The following DAB1 variants were observed in gnomAD, a reference collection of about 807,000 sequenced individuals.
The protein encoded by DAB1 is disabled homolog 1.
Under a neutral mutation model 64.6 loss-of-function variants are expected in DAB1, and 15 were observed. The ratio of observed to expected loss-of-function variants is 0.23; its 90% CI spans 0.16 to 0.36. The LOEUF (loss-of-function observed/expected upper bound fraction) is 0.36. DAB1 is among the 10% of genes least tolerant of loss of function. The pLI is 1.00. For missense variants in DAB1, 596 were observed against 706.7 expected (o/e 0.84, Z 1.78); for synonymous variants, 235 against 251.9 (o/e 0.93, Z 0.64).
At chr1:57,841,861 T>C (rs774111271) in intron 1 of DAB1, among the ~76,000 whole-genome samples, 14 of 152,232 alleles carry the variant, frequency 9.2e-5, no homozygotes, top group Non-Finnish European at 1.8e-4. Flanking sequence ...CCTCATTGTC[T>C]TGGCAATTAA....
chr1:58,389,308 C>T lies in DAB1; in HGVS notation n.258-45905G>A, dbSNP rs991171119. Among the ~76,000 whole-genome samples the T allele has an allele frequency of 3.9e-5, 6 of 152,156 alleles. 1 individual carries two copies. The highest frequency in any genetic ancestry group is 2.6e-4 in the Admixed American group (4 of 15,272). ...TCTTAATTTTCAGGGCATGGTGGTG[C>T]ATGCCTATAGCCCCAACTACTCAGG... On this transcript the variant is annotated intron_variant and non_coding_transcript_variant, in intron 3 of 20. Transcript: ENST00000485760.
chr1:58,132,575 C>T lies in DAB1; in HGVS notation n.387+17936G>A, dbSNP rs569229999. Among the ~76,000 whole-genome samples the T allele has an allele frequency of 4.6e-5, 7 of 152,226 alleles. No individual in the cohort carries two copies. In the South Asian group the frequency reaches 6.2e-4, roughly 14 times the overall value. On this transcript the variant is annotated intron_variant and non_coding_transcript_variant, in intron 5 of 20. Coordinates refer to the DAB1 transcript ENST00000485760. ...TCTCTGAGGATCCGCCTGCAGTCTG[C>T]GTGAGATGAAACATCTCGATCTATC...
At chr1:57,357,752 G>A (rs967861948) in intron 1 of DAB1, among the ~76,000 whole-genome samples, 1 of 151,712 alleles carries the variant, frequency 6.6e-6, no homozygotes, top group African/African-American at 2.4e-5. Context: ...CTCACGTGGC[G>A]GCAGGAGAGA....
chr1:58,022,025 T>C (rs1049258450), intron 5 of DAB1, among the ~76,000 whole-genome samples: 9 of 152,198 alleles, frequency 5.9e-5, no homozygotes, highest in African/African-American at 2.2e-4. Flanking sequence ...AGGCCTCATC[T>C]TGATAGAGAA....
At position 58,384,409 on chromosome 1, in the gene DAB1, G is replaced by A. The variant is rs573369594; in HGVS notation, n.258-41006C>T. On this transcript the variant is annotated intron_variant and non_coding_transcript_variant, in intron 3 of 20. Transcript: ENST00000485760. ...GTTGTTTAATGGGTATGAAGTTACA[G>A]TTACCTAAAATAAGGAAGTACCAGG... 3.3e-4 allele frequency among the ~76,000 whole-genome samples: 51 copies of A among 152,272 alleles called. 1 individual carries two copies. The South Asian group carries it at 0.011, about 32-fold the overall frequency.
chr1:57,430,729 C>A (rs547389894), intron 7 of DAB1, among the ~76,000 whole-genome samples: 220 of 152,172 alleles, frequency 1.4e-3, no homozygotes, highest in African/African-American at 4.9e-3. Flanking sequence ...TCAAAGTATA[C>A]GAACACAGAA....
At chr1:58,027,862 A>G (rs1646916729) in intron 5 of DAB1, among the ~76,000 whole-genome samples, 1 of 152,222 alleles carries the variant, frequency 6.6e-6, no homozygotes, top group Non-Finnish European at 1.5e-5. Context: ...CCTAGAAATA[A>G]GGAGCAAATG....
At chr1:57,624,254 A>G (rs1405331080) in intron 7 of DAB1, among the ~76,000 whole-genome samples, 2 of 152,200 alleles carry the variant, frequency 1.3e-5, no homozygotes, top group Non-Finnish European at 2.9e-5. Context: ...GTAAATCCTT[A>G]TCATATCAGG....
At chr1:57,021,115 T>C (rs1570518199) in intron 11 of DAB1, among the ~76,000 whole-genome samples, 1 of 152,350 alleles carries the variant, frequency 6.6e-6, no homozygotes, top group East Asian at 1.9e-4. Context: ...TCATATTAAC[T>C]AGAGTCAGAA....
intron 6 of DAB1, among the ~76,000 whole-genome samples, chr1:57,706,286 C>T (rs924003240): frequency 6.6e-6 from 1 of 151,592 alleles, no homozygotes; most frequent in Non-Finnish European, 1.5e-5. Context: ...CTTTTCCTCC[C>T]TCCATCCTTT....
intron 7 of DAB1, among the ~76,000 whole-genome samples, chr1:57,619,629 TG>T (rs1246711066): frequency 2.6e-5 from 4 of 152,132 alleles, no homozygotes; most frequent in African/African-American, 9.7e-5. Flanking sequence ...CTTGAACTCC[TG>T]GGCTCAAGTG....
intron 6 of DAB1, among the ~76,000 whole-genome samples, chr1:57,659,362 C>G: frequency 6.6e-6 from 1 of 152,192 alleles, no homozygotes; most frequent in East Asian, 1.9e-4. Context: ...AATAAAAGTA[C>G]TTCTCAGGTC....
chr1:57,632,255 G>A lies in DAB1; in HGVS notation n.625+17337C>T, dbSNP rs536346577. On this transcript the variant is annotated intron_variant and non_coding_transcript_variant, in intron 7 of 20. Transcript: ENST00000485760. ...AATTCTACTCTAGTATAAATTATTA[G>A]TGGAGTACTACTCTAGTATACATTA... 2.0e-5 allele frequency among the ~76,000 whole-genome samples: 3 copies of A among 152,296 alleles called. No homozygotes were observed. The South Asian group carries it at 6.2e-4, about 32-fold the overall frequency.
intron 4 of DAB1, among the ~76,000 whole-genome samples, chr1:58,177,957 C>A (rs1186523680): frequency 6.6e-6 from 1 of 152,148 alleles, no homozygotes; most frequent in African/African-American, 2.4e-5. Context: ...ATTTTTTCAT[C>A]CATGAAATGG....
rs543082868 is a variant in DAB1, at chr1:57,763,428, A to G, written n.552-113763T>C. Among the ~76,000 whole-genome samples the G allele has an allele frequency of 1.2e-4, 18 of 152,262 alleles. No homozygotes were observed. The East Asian group carries it at 3.1e-3, about 26-fold the overall frequency. The stretch of plus-strand genomic sequence containing the variant: ...CGTGGTGGCTTATGCCTGTAACCCC[A>G]ACACTTTTTGGGGCTGAGGCAGGAG... On this transcript the variant is annotated intron_variant and non_coding_transcript_variant, in intron 6 of 20. Transcript: ENST00000485760.
At chr1:57,549,429 T>C (rs1272872489) in intron 7 of DAB1, among the ~76,000 whole-genome samples, 1 of 152,164 alleles carries the variant, frequency 6.6e-6, no homozygotes, top group Non-Finnish European at 1.5e-5. Flanking sequence ...TGTTCTGAAA[T>C]CCCTTCAAGC....
At chr1:58,148,278 T>C (rs897794932) in intron 5 of DAB1, among the ~76,000 whole-genome samples, 1 of 152,214 alleles carries the variant, frequency 6.6e-6, no homozygotes, top group African/African-American at 2.4e-5. Flanking sequence ...TTCCACTCTC[T>C]CACCCCTACA....
intron 7 of DAB1, among the ~76,000 whole-genome samples, chr1:57,474,190 T>C (rs1643904513): frequency 6.6e-6 from 1 of 152,206 alleles, no homozygotes; most frequent in South Asian, 2.1e-4. Flanking sequence ...GAACTTGTAC[T>C]TTTTAAATTT....
At chr1:57,207,593 G>A (rs1315637422) in intron 2 of DAB1, among the ~76,000 whole-genome samples, 2 of 148,170 alleles carry the variant, frequency 1.3e-5, no homozygotes, top group African/African-American at 2.5e-5. Context: ...ACAGGCGCCC[G>A]CCACTACGCC....
Sources: gnomAD v4.1 joint callset for allele counts (sites outside exome capture counted in the v4.1 genomes callset) on GRCh38, gnomAD v4.1.1 for gene constraint, MANE v1.5 for transcripts, NCBI Gene and HGNC (gene_info 2026-07-23, HGNC 2026-07-21) for gene names.